The following MAST3 variants were observed in gnomAD, a reference collection of about 807,000 sequenced individuals.
MAST3 encodes the protein microtubule-associated serine/threonine-protein kinase 3.
In MAST3, 43 loss-of-function variants were observed where a neutral mutation model predicts 127.0. That is an observed-to-expected ratio of 0.34 (90% confidence interval 0.27 to 0.44). MAST3 has a LOEUF of 0.44. Among genes scored for constraint, MAST3 ranks in the 20% least tolerant of loss-of-function variants. MAST3 has a pLI of 1.00. For synonymous variants in MAST3, 785 were observed against 809.2 expected (o/e 0.97, Z 0.51); for missense variants, 1,390 against 1,919.1 (o/e 0.72, Z 5.15).
intron 1 of MAST3, among the ~76,000 whole-genome samples, chr19:18,104,154 T>C (rs1354727308): frequency 8.5e-6 from 1 of 118,282 alleles, no homozygotes; most frequent in Non-Finnish European, 1.6e-5. Flanking sequence ...CATTCCAGTC[T>C]GGGCGACATA....
At chr19:18,123,066 G>C (rs1241526251) in intron 6 of MAST3, 151 bp from the exon 7 acceptor site, 1 of 851,590 alleles carries the variant, frequency 1.2e-6, no homozygotes, top group Non-Finnish European at 1.9e-6. Context: ...TCAGAGCTAG[G>C]GTTTTGAGGG....
intron 20 of MAST3, among the ~76,000 whole-genome samples, chr19:18,141,142 T>C (rs1169508501): frequency 6.6e-6 from 1 of 152,096 alleles, no homozygotes; most frequent in African/African-American, 2.4e-5. Context: ...TTCCCTACTT[T>C]TTTTATGATC....
At chr19:18,115,815 C>CCTCCATGGCT (rs2039156042) in intron 3 of MAST3, among the ~76,000 whole-genome samples, 1 of 152,222 alleles carries the variant, frequency 6.6e-6, no homozygotes, top group African/African-American at 2.4e-5. Context: ...GCTCAAGCAC[C>CCTCCATGGCT]CTCCATGGCT....
chr19:18,145,042 C>T lies in MAST3; in HGVS notation c.2852C>T (p.Pro951Leu), dbSNP rs1249379363. The change falls in exon 24 of 28, where the codon CCG (proline) becomes CTG (leucine). Residue 951 changes from proline (P) to leucine (L), a missense_variant. Pro to Leu is a moderately conservative substitution (Grantham distance 98, BLOSUM62 -3). Transcript: ENST00000687212. This position sits in a 1 kb window ranked among gnomAD's most constrained non-coding sequence, Gnocchi z 5.9. ...SGGPLMSPLS[P>L]RSLSSNPSSR... ...GGCCCCCTCATGAGCCCCCTTTCCC[C>T]GCGCTCTCTGTCCTCGAACCCGTCG... The T allele has an allele frequency of 3.1e-6, 5 of 1,610,256 alleles. No homozygotes were observed. The highest frequency in any genetic ancestry group is 2.2e-5 in the East Asian group (1 of 44,860).
rs1166045213 is a variant in MAST3, at chr19:18,112,416, C to A, written c.161+1675C>A. On this transcript the variant is annotated intron_variant, in intron 3 of 27. Transcript: ENST00000687212. The surrounding 1 kb of genome is among the most constrained non-coding windows in gnomAD (Gnocchi z 4.1). ...GTGGTACCATCTTGGCTCACTGCAACCTCCGCCTCCTAGGTTCAGGTGATT... is the reference window on the plus strand; with the variant it reads ...GTGGTACCATCTTGGCTCACTGCAAACTCCGCCTCCTAGGTTCAGGTGATT... 6.6e-6 allele frequency among the ~76,000 whole-genome samples: 1 copy of A among 152,184 alleles called. No homozygotes were observed. Among genetic ancestry groups the A allele is most frequent in the Non-Finnish European group, 1.5e-5 (1 of 68,036 alleles).
At chr19:18,148,249 C>T (rs746481401) in intron 27 of MAST3, among the ~76,000 whole-genome samples, 4 of 151,746 alleles carry the variant, frequency 2.6e-5, no homozygotes, top group Admixed American at 6.6e-5. Flanking sequence ...TGCGGTGAGC[C>T]GAGATTGAGC....
chr19:18,148,475 G>GAAA (rs558348441), intron 27 of MAST3, among the ~76,000 whole-genome samples: 1 of 145,028 alleles, frequency 6.9e-6, no homozygotes, highest in African/African-American at 2.5e-5. Context: ...AAACAAAAGG[G>GAAA]AAAAAAAAAA....
chr19:18,110,585 A>C lies in MAST3; in HGVS notation c.72-67A>C, dbSNP rs2038482363. 3 of 890,424 alleles carry C rather than the reference A, an allele frequency of 3.4e-6. No homozygotes were observed. In the African/African-American group the frequency reaches 5.4e-5, roughly 16 times the overall value. 55.2% of individuals were successfully genotyped at this position (890,424 alleles called of 1,614,324 possible). On this transcript the variant is annotated intron_variant, in intron 2 of 27. Transcript: ENST00000687212. The surrounding 1 kb of genome is among the most constrained non-coding windows in gnomAD (Gnocchi z 4.3). ...TGAGGGAACCGCAGCCGCCATCCGG[A>C]GATCCGGATTCGGCCACACGAAGGG...
At chr19:18,114,665 A>C (rs530595930) in intron 3 of MAST3, among the ~76,000 whole-genome samples, 19 of 152,258 alleles carry the variant, frequency 1.2e-4, no homozygotes, top group African/African-American at 4.6e-4. Context: ...GCTTAGATGA[A>C]TGGGCAGTAT....
At chr19:18,123,024 C>G (rs768196549) in intron 6 of MAST3, among the ~76,000 whole-genome samples, 193 bp from the exon 7 acceptor site, 1 of 152,202 alleles carries the variant, frequency 6.6e-6, no homozygotes, top group Non-Finnish European at 1.5e-5. Flanking sequence ...CCCAGGGGTA[C>G]AGGCAGAGAG....
At chr19:18,117,861 C>T (rs991098830) in intron 3 of MAST3, among the ~76,000 whole-genome samples, 6 of 151,714 alleles carry the variant, frequency 4.0e-5, no homozygotes, top group East Asian at 1.9e-4. Flanking sequence ...AACGCTCCGC[C>T]TCTCCGCCCG....
Position 18,121,689 on chromosome 19 carries a change from C to T in MAST3, c.166C>T (p.Arg56Cys), listed in dbSNP as rs747480207. ...TGTCCCCTTTTCCCCCCACAGCTGC[C>T]GCAGCGGGAACCGCAAGAGCTTGGT... ...PSLGLHPWSC[R>C]SGNRKSLVVG... is the part of the protein sequence containing the mutation. The change falls in exon 4 of 28, where the codon CGC becomes TGC. Residue 56 changes from arginine (R) to cysteine (C), a missense_variant. By Grantham distance (180) the Arg-to-Cys change is radical. Transcript: ENST00000687212. 2.5e-6 allele frequency: 4 copies of T among 1,613,492 alleles called. No individual in the cohort carries two copies. The highest frequency in any genetic ancestry group is 1.3e-5 in the African/African-American group (1 of 74,936).
At position 18,135,769 on chromosome 19, in the gene MAST3, G is replaced by A. The variant is rs1599837947; in HGVS notation, c.1900G>A (p.Ala634Thr). ...GATCATGTGGCCAGAGGGAGATGAG[G>A]CCCTTCCAGCAGACGCCCAGGACCT... ...DEIMWPEGDE[A>T]LPADAQDLIT... Residue 634 changes from alanine (A) to threonine (T), a missense_variant, in exon 18 of 28, where the codon GCC becomes ACC. This residue lies in a region of MAST3 where 191 missense variants were observed against 409.0 expected (regional missense o/e 0.47). Transcript: ENST00000687212. 6.2e-7 allele frequency: 1 copy of A among 1,612,326 alleles called. No individual in the cohort carries two copies. Among genetic ancestry groups the A allele is most frequent in the Non-Finnish European group, 8.5e-7 (1 of 1,179,182 alleles).
rs1363314857 is a variant in MAST3 at position 18,131,102 on chromosome 19, C to A, written c.1432+400C>A. On this transcript the variant is annotated intron_variant, in intron 14 of 27. Coordinates refer to ENST00000687212, the MANE Select transcript of MAST3 (RefSeq NM_001393504.1). ...CAGCTGTATACAGCACTAATTGCTG[C>A]CCTGTCGGGGAGAATCAGAAGGCAG... 1.3e-5 allele frequency among the ~76,000 whole-genome samples: 2 copies of A among 152,210 alleles called. 1 individual carries two copies. The highest frequency in any genetic ancestry group is 1.3e-4 in the Admixed American group (2 of 15,282).
intron 3 of MAST3, among the ~76,000 whole-genome samples, chr19:18,111,440 GA>G (rs1406626819): frequency 4.0e-5 from 6 of 151,844 alleles, no homozygotes; most frequent in Admixed American, 3.3e-4. Flanking sequence ...GGGAGGGACA[GA>G]TGTGAGGTCA....
chr19:18,133,061 TGCACCCAA>T (rs928402249), intron 15 of MAST3, among the ~76,000 whole-genome samples: 1 of 150,654 alleles, frequency 6.6e-6, no homozygotes. Flanking sequence ...ATCGTGCCAC[TGCACCCAA>T]GCCTGGGCGA....
At chr19:18,131,773 C>T in intron 14 of MAST3, 136 bp from the exon 15 acceptor site, 1 of 930,920 alleles carries the variant, frequency 1.1e-6, no homozygotes, top group Non-Finnish European at 1.6e-6. Flanking sequence ...CGACCCTCCC[C>T]GCTGAGATAG....
chr19:18,145,735 G>GC lies in MAST3; in HGVS notation c.3040-3dup. ...GCCATTGACCCCACCGTTCTCGTCT[G>GC]CCCCCAGAGTGTGGAGGACGGAAGC... On this transcript the variant is annotated splice_polypyrimidine_tract_variant and splice_region_variant and intron_variant, in intron 24 of 27. Coordinates refer to ENST00000687212, the MANE Select transcript of MAST3 (RefSeq NM_001393504.1). This position sits in a 1 kb window ranked among gnomAD's most constrained non-coding sequence, Gnocchi z 5.9. 1 of 1,580,784 alleles carries GC rather than the reference G, an allele frequency of 6.3e-7. No homozygotes were observed. Among genetic ancestry groups the GC allele is most frequent in the Non-Finnish European group, 8.6e-7 (1 of 1,167,692 alleles).
rs113075402 is a variant in MAST3 at position 18,120,164 on chromosome 19, CA to C, written c.162-1517del. On this transcript the variant is annotated intron_variant, in intron 3 of 27. Coordinates refer to ENST00000687212, the MANE Select transcript of MAST3 (RefSeq NM_001393504.1). ...TGGGATGGAAAGAGGAAAACGTGGG[CA>C]AAAGTTCAGCAGAAGAGGCAGGACT... 4.6e-5 allele frequency among the ~76,000 whole-genome samples: 7 copies of C among 152,152 alleles called. 1 individual carries two copies. The highest frequency in any genetic ancestry group is 1.7e-4 in the African/African-American group (7 of 41,498).
Sources: allele counts gnomAD v4.1 joint callset (sites outside exome capture counted in the v4.1 genomes callset), GRCh38; gene constraint gnomAD v4.1.1; regional missense constraint gnomAD v4.1.1; non-coding constraint Gnocchi (gnomAD v3.1); transcripts MANE v1.5; gene names NCBI Gene and HGNC (gene_info 2026-07-23, HGNC 2026-07-21).